Variants in PDE1C observed in about 807,000 individuals in gnomAD.
The protein encoded by PDE1C is phosphodiesterase 1C, also known as dual specificity calcium/calmodulin-dependent 3',5'-cyclic nucleotide phosphodiesterase 1C.
A neutral mutation model predicts 93.1 loss-of-function variants in PDE1C; 62 were observed. That is an observed-to-expected ratio of 0.67 (90% confidence interval 0.54 to 0.82). PDE1C has a LOEUF of 0.82. Ranked by LOEUF, PDE1C falls within the 40% of genes least tolerant of loss-of-function variation. The pLI is 0.00. For synonymous variants in PDE1C, 325 were observed against 310.1 expected, an observed-to-expected ratio of 1.05 and a Z score of -0.50; for missense variants, 742 against 884.6, an observed-to-expected ratio of 0.84 and a Z score of 2.04.
At chr7:32,304,292 G>A (rs1812945614), upstream of PDE1C, among the ~76,000 whole-genome samples, 1 of 152,230 alleles carries the variant, frequency 6.6e-6, no homozygotes, top group African/African-American at 2.4e-5. Flanking sequence ...CTCCTCATGA[G>A]GATATGGTCT....
At chr7:32,392,944 G>A (rs1324209793) in intron 1 of PDE1C, among the ~76,000 whole-genome samples, 7 of 150,012 alleles carry the variant, frequency 4.7e-5, no homozygotes, top group African/African-American at 1.7e-4. Flanking sequence ...AGCTACTCTG[G>A]AGGCTGAGAC....
intron 1 of PDE1C, among the ~76,000 whole-genome samples, chr7:32,373,850 T>C (rs962679509): frequency 1.3e-5 from 2 of 151,966 alleles, no homozygotes; most frequent in African/African-American, 4.8e-5. Context: ...TAGCCAGGCG[T>C]GGTGGCGTAT....
At chr7:31,741,798 C>T in the PDE1C span, among the ~76,000 whole-genome samples, 2 of 152,106 alleles carry the variant, frequency 1.3e-5, no homozygotes, top group Admixed American at 1.3e-4. Flanking sequence ...GCATGAAAGG[C>T]ATAAGGGGTG....
chr7:32,293,234 G>A (rs1812443373), intron 1 of PDE1C, among the ~76,000 whole-genome samples: 1 of 152,188 alleles, frequency 6.6e-6, no homozygotes, highest in Admixed American at 6.5e-5. Flanking sequence ...AGAAAATTGA[G>A]GCTGAGGGAA....
In PDE1C at chr7:32,111,206, T is replaced by C. The variant is rs191868401; in HGVS notation, c.308+58579A>G. On this transcript the variant is annotated intron_variant, in intron 3 of 18. Transcript: ENST00000396193. ...CCTGCAAAAATATAAGAAAATTAAA[T>C]CAGTAAGTACCAAAATTATATATAA... 3.0e-3 allele frequency among the ~76,000 whole-genome samples: 456 copies of C among 152,220 alleles called. No individual in the cohort carries two copies. The Middle Eastern group carries it at 0.031, about 10-fold the overall frequency.
intron 2 of PDE1C, among the ~76,000 whole-genome samples, chr7:31,965,690 G>C (rs1167446231): frequency 1.3e-5 from 2 of 152,298 alleles, no homozygotes; most frequent in East Asian, 3.9e-4. Context: ...AAGAAAAAAT[G>C]TTAAGGGCAG....
In PDE1C at chr7:31,766,996, G is replaced by A. The variant is rs1053904830; in HGVS notation, c.1960+8668C>T. On this transcript the variant is annotated intron_variant, in intron 17 of 17. Coordinates refer to ENST00000396191, the MANE Select transcript of PDE1C (RefSeq NM_001191057.4). ...TTTTAATGAAAGTCTGTCTGTGGGT[G>A]CCATCTCTTAAAAACAAGATAGACC... 2.6e-5 allele frequency among the ~76,000 whole-genome samples: 4 copies of A among 152,076 alleles called. No homozygotes were observed. In the East Asian group the frequency reaches 5.8e-4, roughly 22 times the overall value.
At chr7:32,426,257 G>T (rs1785529028) in intron 1 of PDE1C, among the ~76,000 whole-genome samples, 1 of 148,144 alleles carries the variant, frequency 6.8e-6, no homozygotes, top group South Asian at 2.1e-4. Context: ...ATAGAAAATG[G>T]TGTAACTATA....
intron 1 of PDE1C, among the ~76,000 whole-genome samples, chr7:32,214,993 A>G (rs1337860127): frequency 6.6e-6 from 1 of 152,032 alleles, no homozygotes; most frequent in Non-Finnish European, 1.5e-5. Flanking sequence ...GATGATGATG[A>G]TGATGATGCA....
intron 3 of PDE1C, among the ~76,000 whole-genome samples, chr7:32,119,875 G>A (rs543826660): frequency 9.9e-5 from 15 of 152,204 alleles, no homozygotes; most frequent in Non-Finnish European, 1.6e-4. Context: ...CAAGTTTCCC[G>A]GGGGAAGGGC....
intron 2 of PDE1C, among the ~76,000 whole-genome samples, chr7:31,927,992 T>G (rs915641139): frequency 1.3e-5 from 2 of 151,998 alleles, no homozygotes; most frequent in Non-Finnish European, 2.9e-5. Context: ...CAAGCTCCAC[T>G]GAGCTAAAGG....
intron 1 of PDE1C, among the ~76,000 whole-genome samples, chr7:32,392,061 A>G (rs1784760419): frequency 6.6e-6 from 1 of 151,794 alleles, no homozygotes; most frequent in Non-Finnish European, 1.5e-5. Context: ...GAGAAGATCA[A>G]CAAAATTAGC....
At chr7:32,042,742 T>G (rs996417730) in intron 2 of PDE1C, among the ~76,000 whole-genome samples, 2 of 152,202 alleles carry the variant, frequency 1.3e-5, no homozygotes, top group African/African-American at 4.8e-5. Context: ...TGCCCAGTGA[T>G]CTCTGTGCTA....
intron 1 of PDE1C, among the ~76,000 whole-genome samples, chr7:32,066,829 G>T (rs1400217989): frequency 1.3e-5 from 2 of 152,196 alleles, no homozygotes; most frequent in African/African-American, 4.8e-5. Context: ...TCATTGGGAG[G>T]AACTGAGGTT....
chr7:31,642,270 T>C, the PDE1C span: 1 of 1,534,190 alleles, frequency 6.5e-7, no homozygotes, highest in Non-Finnish European at 8.8e-7. Context: ...TAGGAGGGTT[T>C]GGAACAGGGC....
chr7:31,643,190 ACAAGTTCCTT>A, the PDE1C span: 2 of 1,613,882 alleles, frequency 1.2e-6, no homozygotes, highest in East Asian at 4.5e-5. Context: ...CATACTCAAG[ACAAGTTCCTT>A]CATGTTGACT....
intron 1 of PDE1C, among the ~76,000 whole-genome samples, chr7:32,270,081 G>T (rs907653241): frequency 4.0e-5 from 6 of 151,824 alleles, no homozygotes; most frequent in African/African-American, 1.5e-4. Flanking sequence ...GATAAAAGTA[G>T]GGCACCCAAT....
the PDE1C span, among the ~76,000 whole-genome samples, chr7:31,699,425 C>A: frequency 6.6e-6 from 1 of 152,190 alleles, no homozygotes; most frequent in Non-Finnish European, 1.5e-5. Context: ...TCTTTCAGAG[C>A]AGTTTTAATA....
At chr7:32,345,711 A>T (rs923467420) in intron 1 of PDE1C, among the ~76,000 whole-genome samples, 17 of 152,232 alleles carry the variant, frequency 1.1e-4, no homozygotes, top group African/African-American at 4.1e-4. Flanking sequence ...CAATTCATTA[A>T]AGAAAATATA....
Sources: allele counts gnomAD v4.1 joint callset (sites outside exome capture counted in the v4.1 genomes callset), GRCh38; gene constraint gnomAD v4.1.1; transcripts MANE v1.5; gene names NCBI Gene and HGNC (gene_info 2026-07-23, HGNC 2026-07-21).